NKTR: variants seen among roughly 807,000 people sequenced by gnomAD.
NKTR encodes NK-tumor recognition protein.
In NKTR, 67 loss-of-function variants were observed where a neutral mutation model predicts 156.3. The observed-to-expected ratio is 0.43, with a 90% CI of 0.35 to 0.53. NKTR has a LOEUF of 0.53. Ranked by LOEUF, NKTR falls within the 20% of genes least tolerant of loss-of-function variation. NKTR has a pLI of 0.01. For synonymous variants in NKTR, 640 were observed against 596.6 expected, an observed-to-expected ratio of 1.07 and a Z score of -1.06; for missense variants, 1,604 against 1,730.9, an observed-to-expected ratio of 0.93 and a Z score of 1.30.
At chr3:42,615,541 C>T (rs188112931) in intron 2 of NKTR, among the ~76,000 whole-genome samples, 6 of 152,132 alleles carry the variant, frequency 3.9e-5, no homozygotes, top group Admixed American at 3.9e-4. Flanking sequence ...ACATTTGAAA[C>T]TTTGAACAGC....
At chr3:42,633,849 A>G in intron 10 of NKTR, 114 bp downstream of exon 10, 1 of 1,156,190 alleles carries the variant, frequency 8.6e-7, no homozygotes, top group Non-Finnish European at 1.3e-6. Flanking sequence ...GCACATTGAA[A>G]GATAGTATGG....
At position 42,637,368 on chromosome 3, in the gene NKTR, C is replaced by G; in HGVS notation, c.1664C>G (p.Ser555Cys). ...SRSRSKSRSSSKSGHRKRASK... is the reference protein window; with the variant it reads ...SRSRSKSRSSCKSGHRKRASK... Reference sequence around the variant, plus strand: ...AGTAGATCAAAGTCCAGATCTAGTTCCAAGTCTGGGCACCGAAAGAGAGCA... The same window carrying G: ...AGTAGATCAAAGTCCAGATCTAGTTGCAAGTCTGGGCACCGAAAGAGAGCA... The change falls in exon 13 of 17, where the codon TCC becomes TGC. Residue 555 changes from serine (S) to cysteine (C), a missense_variant. By Grantham distance (112) the Ser-to-Cys change is moderately radical (BLOSUM62 -1). Around this residue, in one of 6 missense-constraint regions of NKTR, gnomAD observed 1,255 missense variants for 1,243.7 expected, o/e 1.01. Coordinates refer to ENST00000232978, the MANE Select transcript of NKTR (RefSeq NM_005385.4). The G allele has an allele frequency of 1.2e-6, 2 of 1,614,118 alleles. No individual in the cohort carries two copies. Among genetic ancestry groups the G allele is most frequent in the Non-Finnish European group, 1.7e-6 (2 of 1,180,008 alleles).
Position 42,637,761 on chromosome 3 carries a change from C to T in NKTR, c.2057C>T (p.Ser686Leu), listed in dbSNP as rs765774072. ...STYSKYSDRSSESSPRSRSRS... is the reference protein window; with the variant it reads ...STYSKYSDRSLESSPRSRSRS... The stretch of plus-strand genomic sequence containing the variant: ...TATTCAAAATACAGTGATAGAAGTT[C>T]AGAAAGCTCACCAAGGTCAAGGAGC... Residue 686 changes from serine to leucine, a missense_variant, in exon 13 of 17, where the codon TCA becomes TTA. Transcript: ENST00000232978. 3 of 1,613,608 alleles carry T rather than the reference C, an allele frequency of 1.9e-6. No homozygotes were observed. Among genetic ancestry groups the T allele is most frequent in the South Asian group, 1.1e-5 (1 of 90,924 alleles).
At chr3:42,635,067 A>G in intron 11 of NKTR, 154 bp from the exon 12 acceptor site, 1 of 470,634 alleles carries the variant, frequency 2.1e-6, no homozygotes, top group Non-Finnish European at 3.5e-6. Flanking sequence ...TAAAAAAAAA[A>G]AAAAAAAAAA....
At position 42,631,047 on chromosome 3, in the gene NKTR, A is replaced by G. The variant is rs1328860218; in HGVS notation, c.405-124A>G. ...TCTCATTCCATTCTAGTTGCTTCAT[A>G]CAACAAACAGTTTGGTTTTATTTTC... is the stretch of plus-strand genomic sequence containing the variant. On this transcript the variant is annotated intron_variant, in intron 7 of 16. Transcript: ENST00000232978. 2.8e-6 allele frequency: 4 copies of G among 1,447,072 alleles called. No individual in the cohort carries two copies. The East Asian group carries it at 7.4e-5, about 27-fold the overall frequency. 89.6% of individuals were successfully genotyped at this position (1,447,072 alleles called of 1,614,324 possible). A position where few individuals can be genotyped will look rare whatever the true frequency, so the allele number is the denominator to read the frequency against.
Position 42,600,991 on chromosome 3 carries a change from C to A in NKTR, c.-16C>A. 1.3e-6 allele frequency: 2 copies of A among 1,555,402 alleles called. No homozygotes were observed. The highest frequency in any genetic ancestry group is 1.7e-6 in the Non-Finnish European group (2 of 1,152,820). ...TCTCCCCCTCTCTCCCAGCTCTTGC[C>A]GCCACCTCGGTCGCGATGGGGGCGC... On this transcript the variant is annotated 5_prime_UTR_variant, in exon 2 of 17. Transcript: ENST00000232978.
At chr3:42,639,947 T>C (rs1417944534) in intron 13 of NKTR, among the ~76,000 whole-genome samples, 197 bp downstream of exon 13, 2 of 115,402 alleles carry the variant, frequency 1.7e-5, no homozygotes, top group Non-Finnish European at 3.3e-5. Flanking sequence ...GGGCTGGGTT[T>C]ACAAAACTAT....
chr3:42,639,226 G>C lies in NKTR; in HGVS notation c.3522G>C (p.Glu1174Asp), dbSNP rs182972148. ...QDMATEHPQA[E>D]VVKQESSMSE... ...TGGCAACGGAACATCCTCAAGCAGA[G>C]GTAGTAAAACAGGAAAGCAGCATGT... The change falls in exon 13 of 17, where the codon GAG (glutamate) becomes GAC (aspartate). Residue 1174 changes from glutamate to aspartate, a missense_variant. Around this residue, in one of 6 missense-constraint regions of NKTR, gnomAD observed 1,255 missense variants for 1,243.7 expected, o/e 1.01. Coordinates refer to ENST00000232978, the MANE Select transcript of NKTR (RefSeq NM_005385.4). 50 of 1,614,042 alleles carry C rather than the reference G, an allele frequency of 3.1e-5. No homozygotes were observed. Among genetic ancestry groups the C allele is most frequent in the Non-Finnish European group, 4.0e-5 (47 of 1,180,046 alleles).
At chr3:42,610,887 C>G (rs1027158463) in intron 2 of NKTR, among the ~76,000 whole-genome samples, 1 of 152,084 alleles carries the variant, frequency 6.6e-6, no homozygotes, top group Non-Finnish European at 1.5e-5. Context: ...AATAGCAGCA[C>G]TCTTTTGGAT....
At chr3:42,604,659 CTTTTTTTTTTTTTTTTTTTTTT>C (rs71072726) in intron 2 of NKTR, among the ~76,000 whole-genome samples, 32 of 45,292 alleles carry the variant, frequency 7.1e-4, no homozygotes, top group African/African-American at 2.2e-3. Flanking sequence ...TATTTCTCTC[CTTTTTTTTTTTTTTTTTTTTTT>C]TTTTTTTTTT....
chr3:42,621,528 TA>T lies in NKTR; in HGVS notation c.374+14del. The T allele has an allele frequency of 1.2e-6, 2 of 1,606,708 alleles. No homozygotes were observed. The highest frequency in any genetic ancestry group is 1.7e-6 in the Non-Finnish European group (2 of 1,176,938). ...TCCCAGTTTTTCATGTGAGTAGGCA[TA>T]ATTCAGAGATGAGCTTTTCTTAAAC... On this transcript the variant is annotated intron_variant, in intron 6 of 16. Transcript: ENST00000232978.
intron 2 of NKTR, 169 bp downstream of exon 2, chr3:42,601,233 C>T: frequency 1.9e-6 from 1 of 523,654 alleles, no homozygotes; most frequent in Non-Finnish European, 3.4e-6. Context: ...GTGGCCTGGG[C>T]ACACCCCTAA....
Position 42,635,252 on chromosome 3 carries a change from G to A in NKTR, c.1049G>A (p.Cys350Tyr). 1 of 1,613,738 alleles carries A rather than the reference G, an allele frequency of 6.2e-7. No individual in the cohort carries two copies. The highest frequency in any genetic ancestry group is 8.5e-7 in the Non-Finnish European group (1 of 1,179,874). The part of the protein sequence containing the change: ...RYHTPPRSRS[C>Y]SESDDDDSSE... ...CACACACCTCCAAGATCAAGATCCTGTTCTGAGTCAGATGATGATGACAGC... is the reference window on the plus strand; with the variant it reads ...CACACACCTCCAAGATCAAGATCCTATTCTGAGTCAGATGATGATGACAGC... Residue 350 changes from cysteine to tyrosine, a missense_variant, in exon 12 of 17, where the codon TGT (cysteine) becomes TAT (tyrosine). Around this residue, in one of 6 missense-constraint regions of NKTR, gnomAD observed 1,255 missense variants for 1,243.7 expected, o/e 1.01. Coordinates refer to ENST00000232978, the MANE Select transcript of NKTR (RefSeq NM_005385.4).
chr3:42,639,820 G>C, intron 13 of NKTR, 70 bp downstream of exon 13: 1 of 1,039,914 alleles, frequency 9.6e-7, no homozygotes, highest in South Asian at 1.6e-5. Flanking sequence ...AAGAATATCA[G>C]AATTAGGGAC....
At position 42,632,609 on chromosome 3, in the gene NKTR, A is replaced by G. The variant is rs1490110751; in HGVS notation, c.559A>G (p.Lys187Glu). ...TTAATGTTTCTTAAAAGTTTTTGAG[A>G]AAAAAAGGAAGAAACCAACTCATTC... ...ATKSIKDVFE[K>E]KRKKPTHSEG... Residue 187 changes from lysine (K) to glutamate (E), a missense_variant, in exon 9 of 17, where the codon AAA (lysine) becomes GAA (glutamate). By Grantham distance (56) the Lys-to-Glu change is moderately conservative (BLOSUM62 1). Around this residue, in one of 6 missense-constraint regions of NKTR, gnomAD observed 1,255 missense variants for 1,243.7 expected, o/e 1.01. Coordinates refer to ENST00000232978, the MANE Select transcript of NKTR (RefSeq NM_005385.4). 13 of 1,593,566 alleles carry G rather than the reference A, an allele frequency of 8.2e-6. No individual in the cohort carries two copies. The highest frequency in any genetic ancestry group is 1.8e-5 in the Admixed American group (1 of 55,554).
At chr3:42,615,912 G>GA (rs1707322130) in intron 2 of NKTR, among the ~76,000 whole-genome samples, 1 of 105,300 alleles carries the variant, frequency 9.5e-6, no homozygotes, top group Admixed American at 8.2e-5. Flanking sequence ...CTCCCTGCTT[G>GA]AAAATCTTGA....
At chr3:42,633,808 A>G (rs1709136296) in intron 10 of NKTR, 73 bp downstream of exon 10, 19 of 1,524,492 alleles carry the variant, frequency 1.2e-5, no homozygotes, top group Non-Finnish European at 1.7e-5. Context: ...TGCATTCCAC[A>G]CTCATGTATG....
chr3:42,614,110 TAA>T (rs1307312961), intron 2 of NKTR, among the ~76,000 whole-genome samples: 1 of 152,200 alleles, frequency 6.6e-6, no homozygotes, highest in African/African-American at 2.4e-5. Flanking sequence ...CAACTGATTC[TAA>T]AAGATTACTA....
rs369577582 is a variant in NKTR at position 42,605,419 on chromosome 3, A to G, written c.58+4355A>G. On this transcript the variant is annotated intron_variant, in intron 2 of 16. Coordinates refer to ENST00000232978, the MANE Select transcript of NKTR (RefSeq NM_005385.4). ...AAAATGTGTTTTTAGCAAACATTGT[A>G]AAGTATTTAGAAGTGATACCAAGAA... 3.9e-4 allele frequency among the ~76,000 whole-genome samples: 60 copies of G among 152,352 alleles called. 1 individual carries two copies. The South Asian group carries it at 0.012, about 30-fold the overall frequency.
Sources: allele counts gnomAD v4.1 joint callset (sites outside exome capture counted in the v4.1 genomes callset), GRCh38; gene constraint gnomAD v4.1.1; regional missense constraint gnomAD v4.1.1; transcripts MANE v1.5; gene names NCBI Gene and HGNC (gene_info 2026-07-23, HGNC 2026-07-21).